MAGI1: variants seen among roughly 807,000 people sequenced by gnomAD.
MAGI1 encodes membrane-associated guanylate kinase, WW and PDZ domain-containing protein 1.
MAGI1 carries 58 observed loss-of-function variants against 139.9 expected under a neutral mutation model. The ratio of observed to expected loss-of-function variants is 0.41; its 90% CI spans 0.34 to 0.52. The LOEUF is 0.52. Ranked by LOEUF, MAGI1 falls within the 20% of genes least tolerant of loss-of-function variation. The probability of loss-of-function intolerance (pLI) is 0.12; values close to 1 mark genes in which losing one functional copy is unlikely to be tolerated. For missense variants in MAGI1, 1,874 were observed against 1,901.6 expected (o/e 0.99, Z 0.27); for synonymous variants, 812 against 737.9 (o/e 1.10, Z -1.63).
chr3:65,373,089 C>A (rs560140590), intron 18 of MAGI1, among the ~76,000 whole-genome samples: 1 of 152,318 alleles, frequency 6.6e-6, no homozygotes, highest in African/African-American at 2.4e-5. Flanking sequence ...CATGAGGGAT[C>A]TAGCTTTTGG....
chr3:65,853,146 G>A (rs965640424), intron 1 of MAGI1, among the ~76,000 whole-genome samples: 4 of 151,754 alleles, frequency 2.6e-5, no homozygotes, highest in Non-Finnish European at 4.4e-5. Context: ...CAGCCAGGGC[G>A]ACAGAGCGAG....
intron 1 of MAGI1, among the ~76,000 whole-genome samples, chr3:65,968,158 T>G (rs1036576240): frequency 6.6e-6 from 1 of 152,182 alleles, no homozygotes; most frequent in Non-Finnish European, 1.5e-5. Flanking sequence ...TCTTATACAG[T>G]TGGCAAAAGT....
chr3:65,581,573 T>G (rs1176181510), intron 2 of MAGI1, among the ~76,000 whole-genome samples: 1 of 152,160 alleles, frequency 6.6e-6, no homozygotes, highest in Non-Finnish European at 1.5e-5. Flanking sequence ...TGGTCCTCCC[T>G]TAGTGACCTG....
chr3:65,529,601 A>G (rs575277607), intron 2 of MAGI1, among the ~76,000 whole-genome samples: 8 of 152,318 alleles, frequency 5.3e-5, no homozygotes, highest in Non-Finnish European at 1.0e-4. Flanking sequence ...TTGTTTATCT[A>G]TTCATCAGTT....
At chr3:65,844,476 A>C (rs1359940454) in intron 1 of MAGI1, 6 of 330,224 alleles carry the variant, frequency 1.8e-5, no homozygotes, top group African/African-American at 1.1e-4. Context: ...CAAGTAAAAC[A>C]ATTTTAAATG....
At chr3:65,570,881 A>G (rs1344974815) in intron 2 of MAGI1, among the ~76,000 whole-genome samples, 4 of 152,250 alleles carry the variant, frequency 2.6e-5, no homozygotes, top group Non-Finnish European at 5.9e-5. Flanking sequence ...TCTTTCAAAT[A>G]CAATGGTTCA....
At chr3:65,933,397 G>C (rs1413564786) in intron 1 of MAGI1, among the ~76,000 whole-genome samples, 1 of 152,184 alleles carries the variant, frequency 6.6e-6, no homozygotes, top group East Asian at 1.9e-4. Flanking sequence ...CTGCTGATGA[G>C]AGACCCTGGT....
intron 1 of MAGI1, among the ~76,000 whole-genome samples, chr3:65,907,082 G>A (rs1337556860): frequency 6.6e-6 from 1 of 150,786 alleles, no homozygotes; most frequent in Non-Finnish European, 1.5e-5. Flanking sequence ...TCCACTTGGT[G>A]AAGACTAAGG....
At chr3:65,706,549 T>C (rs1326482242) in intron 1 of MAGI1, among the ~76,000 whole-genome samples, 1 of 152,092 alleles carries the variant, frequency 6.6e-6, no homozygotes, top group Non-Finnish European at 1.5e-5. Flanking sequence ...GCAAACAGCA[T>C]CACAACAGAC....
chr3:65,784,473 T>C (rs2039213226), intron 1 of MAGI1, among the ~76,000 whole-genome samples: 1 of 152,116 alleles, frequency 6.6e-6, no homozygotes, highest in African/African-American at 2.4e-5. Context: ...ATCCCAGCAC[T>C]TTGGGAGGCC....
chr3:66,025,489 G>A (rs1002822700), intron 1 of MAGI1, among the ~76,000 whole-genome samples: 1 of 152,152 alleles, frequency 6.6e-6, no homozygotes, highest in Admixed American at 6.5e-5. Context: ...AGCCAAGACC[G>A]TGCCACTACA....
chr3:65,575,774 G>A (rs2081149533), intron 2 of MAGI1, among the ~76,000 whole-genome samples: 1 of 152,110 alleles, frequency 6.6e-6, no homozygotes. Context: ...TCACTATTAT[G>A]CTACGAATGA....
At chr3:65,585,503 T>G (rs1019504939) in intron 2 of MAGI1, among the ~76,000 whole-genome samples, 1 of 152,336 alleles carries the variant, frequency 6.6e-6, no homozygotes, top group African/African-American at 2.4e-5. Flanking sequence ...GAAAAAATGT[T>G]TTTAATTTTA....
chr3:65,704,199 G>C (rs890186151), intron 1 of MAGI1, among the ~76,000 whole-genome samples: 1 of 152,142 alleles, frequency 6.6e-6, no homozygotes, highest in Non-Finnish European at 1.5e-5. Flanking sequence ...TTTCTTCTAT[G>C]TTTTATTCCA....
chr3:65,818,251 G>A (rs1167256626), intron 1 of MAGI1, among the ~76,000 whole-genome samples: 1 of 152,108 alleles, frequency 6.6e-6, no homozygotes, highest in Non-Finnish European at 1.5e-5. Context: ...TGCTATTTTG[G>A]TTAGTTTCTA....
intron 2 of MAGI1, among the ~76,000 whole-genome samples, chr3:65,567,548 A>G (rs2080726844): frequency 6.6e-6 from 1 of 152,220 alleles, no homozygotes; most frequent in African/African-American, 2.4e-5. Flanking sequence ...AGAAAGAGGA[A>G]AAGGATGGCT....
chr3:65,428,664 C>G (rs914197735), intron 12 of MAGI1, among the ~76,000 whole-genome samples: 25 of 152,258 alleles, frequency 1.6e-4, no homozygotes, highest in African/African-American at 5.8e-4. Flanking sequence ...CAGCTGTCCA[C>G]ATGCACACAT....
intron 2 of MAGI1, among the ~76,000 whole-genome samples, chr3:65,531,127 CTCT>C (rs2078693750): frequency 6.6e-6 from 1 of 151,782 alleles, no homozygotes; most frequent in South Asian, 2.1e-4. Context: ...TAAGCAAAAT[CTCT>C]TTTTTTACAT....
intron 2 of MAGI1, among the ~76,000 whole-genome samples, chr3:65,512,851 C>T: frequency 6.6e-6 from 1 of 151,158 alleles, no homozygotes; most frequent in Non-Finnish European, 1.5e-5. Context: ...GAGACACAGC[C>T]AAAAAAGAGA....
Sources: gnomAD v4.1 joint callset for allele counts (sites outside exome capture counted in the v4.1 genomes callset) on GRCh38, gnomAD v4.1.1 for gene constraint, MANE v1.5 for transcripts, NCBI Gene and HGNC (gene_info 2026-07-23, HGNC 2026-07-21) for gene names.